Variants in MACROD2 observed in about 807,000 individuals in gnomAD.
The protein encoded by MACROD2 is ADP-ribose glycohydrolase MACROD2.
Under a neutral mutation model 70.4 loss-of-function variants are expected in MACROD2, and 36 were observed. The observed-to-expected ratio is 0.51, with a 90% confidence interval of 0.39 to 0.68. The LOEUF (loss-of-function observed/expected upper bound fraction) is 0.68. Ranked by LOEUF, MACROD2 falls within the 30% of genes least tolerant of loss-of-function variation. MACROD2 has a pLI of 0.00. For synonymous variants in MACROD2, 172 were observed against 178.8 expected, an observed-to-expected ratio of 0.96 and a Z score of 0.30; for missense variants, 496 against 538.4, an observed-to-expected ratio of 0.92 and a Z score of 0.78.
intron 5 of MACROD2, among the ~76,000 whole-genome samples, chr20:14,707,278 G>C (rs1035098249): frequency 1.3e-5 from 2 of 152,130 alleles, no homozygotes; most frequent in African/African-American, 4.8e-5. Context: ...CCATGGAGGC[G>C]ACCCATAGCA....
intron 8 of MACROD2, among the ~76,000 whole-genome samples, chr20:15,632,469 C>T (rs957379828): frequency 1.3e-5 from 2 of 152,174 alleles, no homozygotes; most frequent in Middle Eastern, 3.4e-3. Flanking sequence ...CAGTTAAATA[C>T]AAAACATTGT....
chr20:15,483,593 G>T (rs1428507852), intron 7 of MACROD2, among the ~76,000 whole-genome samples: 2 of 152,090 alleles, frequency 1.3e-5, no homozygotes, highest in Non-Finnish European at 2.9e-5. Flanking sequence ...TAACTTGCTG[G>T]AATCTGGGTT....
intron 4 of MACROD2, among the ~76,000 whole-genome samples, chr20:14,520,051 G>T (rs376972): frequency 0.82 from 124,769 of 152,016 alleles, 51,617 homozygotes; most frequent in East Asian, 1. Flanking sequence ...CAACAGACAC[G>T]GGGGCCTTCT....
intron 10 of MACROD2, among the ~76,000 whole-genome samples, chr20:15,929,032 T>C (rs775032322): frequency 6.6e-6 from 1 of 152,182 alleles, no homozygotes; most frequent in South Asian, 2.1e-4. Flanking sequence ...AATAATGCTG[T>C]GCAATAAATC....
intron 3 of MACROD2, among the ~76,000 whole-genome samples, chr20:14,307,897 A>G (rs1483422915): frequency 2.0e-5 from 3 of 152,146 alleles, no homozygotes; most frequent in African/African-American, 7.2e-5. Flanking sequence ...ATGTCAGTTG[A>G]TAATTACTTT....
intron 2 of MACROD2, among the ~76,000 whole-genome samples, chr20:14,044,460 T>G (rs2053440087): frequency 6.6e-6 from 1 of 152,086 alleles, no homozygotes; most frequent in South Asian, 2.1e-4. Context: ...CTGCTTTTAT[T>G]CTCTTATTTG....
chr20:15,464,634 T>G (rs1256071174), intron 7 of MACROD2, among the ~76,000 whole-genome samples: 1 of 152,232 alleles, frequency 6.6e-6, no homozygotes, highest in Non-Finnish European at 1.5e-5. Flanking sequence ...TTTATCCCAC[T>G]CTGACTGTAT....
chr20:14,035,328 A>G (rs1222288006), intron 2 of MACROD2, among the ~76,000 whole-genome samples: 1 of 152,224 alleles, frequency 6.6e-6, no homozygotes, highest in East Asian at 1.9e-4. Flanking sequence ...ATTAATTAAT[A>G]TGATAGTAAT....
chr20:14,278,573 C>T lies in MACROD2; in HGVS notation c.271+192845C>T, dbSNP rs1313938034. On this transcript the variant is annotated intron_variant, in intron 3 of 17. Coordinates refer to ENST00000684519, the MANE Select transcript of MACROD2 (RefSeq NM_001351661.2). ...TTCTTCCTTAAACTAATTGGTTGTG[C>T]GAAAACATGTGGTTGGTACCACTGT... Among the ~76,000 whole-genome samples, 7 of 152,042 alleles carry T rather than the reference C, an allele frequency of 4.6e-5. No individual in the cohort carries two copies. The East Asian group carries it at 7.7e-4, about 17-fold the overall frequency.
chr20:14,414,061 G>A (rs1033153723), intron 3 of MACROD2, among the ~76,000 whole-genome samples: 8 of 152,078 alleles, frequency 5.3e-5, no homozygotes, highest in African/African-American at 1.9e-4. Context: ...GATGTCATCT[G>A]GTGTCCTGGC....
In MACROD2 at chr20:15,668,835, G is replaced by A. The variant is rs528939232; in HGVS notation, c.645+168988G>A. 8.5e-5 allele frequency among the ~76,000 whole-genome samples: 13 copies of A among 152,286 alleles called. No homozygotes were observed. In the South Asian group the frequency reaches 2.5e-3, roughly 29 times the overall value. On this transcript the variant is annotated intron_variant, in intron 8 of 17. Transcript: ENST00000684519. ...GAGCCTTTTCTAAATCACTCCAGTA[G>A]GGTTAGCAAAATGGTGATTCTCTAA...
intron 10 of MACROD2, among the ~76,000 whole-genome samples, chr20:15,929,453 T>C (rs536667047): frequency 2.5e-3 from 378 of 152,182 alleles, no homozygotes; most frequent in Non-Finnish European, 4.0e-3. Flanking sequence ...TATACACATA[T>C]ACACACAATC....
chr20:14,578,350 T>A (rs1950424121), intron 4 of MACROD2, among the ~76,000 whole-genome samples: 1 of 152,076 alleles, frequency 6.6e-6, no homozygotes, highest in Admixed American at 6.6e-5. Context: ...GCGATATACT[T>A]TCAGTGAAGA....
At chr20:14,832,318 T>C (rs1001613163) in intron 5 of MACROD2, among the ~76,000 whole-genome samples, 1 of 151,924 alleles carries the variant, frequency 6.6e-6, no homozygotes, top group Non-Finnish European at 1.5e-5. Context: ...CAGAACAGTG[T>C]CAGAAGCCAA....
chr20:15,836,382 C>A (rs1310364178), intron 8 of MACROD2, among the ~76,000 whole-genome samples: 1 of 152,228 alleles, frequency 6.6e-6, no homozygotes, highest in Non-Finnish European at 1.5e-5. Flanking sequence ...TCATTACAAC[C>A]AATTGGTGGT....
chr20:15,835,477 T>C (rs1290773732), intron 8 of MACROD2, among the ~76,000 whole-genome samples: 1 of 152,086 alleles, frequency 6.6e-6, no homozygotes, highest in Non-Finnish European at 1.5e-5. Flanking sequence ...CCATTAACTA[T>C]TATATTATTC....
At chr20:15,629,399 C>G (rs572702415) in intron 8 of MACROD2, among the ~76,000 whole-genome samples, 70 of 152,198 alleles carry the variant, frequency 4.6e-4, no homozygotes, top group Non-Finnish European at 8.7e-4. Context: ...TATGCCTTCC[C>G]AAGAGATTAT....
intron 4 of MACROD2, among the ~76,000 whole-genome samples, chr20:14,604,316 C>A (rs2123412165): frequency 6.6e-6 from 1 of 152,334 alleles, no homozygotes; most frequent in Admixed American, 6.5e-5. Flanking sequence ...CCAACTGTCA[C>A]ACAGTGTTGC....
chr20:15,556,044 T>A (rs2048165553), intron 8 of MACROD2, among the ~76,000 whole-genome samples: 1 of 152,100 alleles, frequency 6.6e-6, no homozygotes, highest in Non-Finnish European at 1.5e-5. Context: ...CATGCATTCC[T>A]GACTTATTCA....
Sources: gnomAD v4.1 joint callset for allele counts (sites outside exome capture counted in the v4.1 genomes callset) on GRCh38, gnomAD v4.1.1 for gene constraint, MANE v1.5 for transcripts, NCBI Gene and HGNC (gene_info 2026-07-23, HGNC 2026-07-21) for gene names.